PHF24: variants seen among roughly 807,000 people sequenced by gnomAD.
The protein encoded by PHF24 is PHD finger protein 24.
In PHF24, 25 loss-of-function variants were observed where a neutral mutation model predicts 42.6. The observed-to-expected ratio is 0.59, with a 90% CI of 0.43 to 0.82. The LOEUF is 0.82. PHF24 is among the 40% of genes least tolerant of loss of function. PHF24 has a pLI of 0.00. For missense variants in PHF24, 470 were observed against 538.1 expected (o/e 0.87, Z 1.25); for synonymous variants, 185 against 204.8 (o/e 0.90, Z 0.83).
chr9:34,850,113 G>A, the PHF24 span, among the ~76,000 whole-genome samples: 20 of 152,166 alleles, frequency 1.3e-4, no homozygotes, highest in South Asian at 6.2e-4. Context: ...TATCTTTATC[G>A]CGTTCTCTGT....
chr9:34,673,127 G>A, the PHF24 span, among the ~76,000 whole-genome samples: 8 of 152,308 alleles, frequency 5.3e-5, no homozygotes, highest in South Asian at 2.1e-4. Flanking sequence ...AGGCCAAGGC[G>A]GACAGATCAC....
the PHF24 span, among the ~76,000 whole-genome samples, chr9:34,682,463 A>G: frequency 1.3e-5 from 2 of 152,250 alleles, no homozygotes; most frequent in Non-Finnish European, 2.9e-5. Context: ...TTTTGGCTGT[A>G]TAAACAAAGG....
the PHF24 span, among the ~76,000 whole-genome samples, chr9:34,865,248 T>C: frequency 1.1e-4 from 17 of 151,518 alleles, no homozygotes; most frequent in African/African-American, 4.1e-4. Context: ...CTTAAAATGA[T>C]GAATTATAAG....
At chr9:34,914,994 T>C in the PHF24 span, among the ~76,000 whole-genome samples, 1 of 147,502 alleles carries the variant, frequency 6.8e-6, no homozygotes, top group African/African-American at 2.5e-5. Flanking sequence ...TCTCACCATA[T>C]TGCCCAGGTT....
At chr9:34,813,508 G>T in the PHF24 span, among the ~76,000 whole-genome samples, 1 of 152,122 alleles carries the variant, frequency 6.6e-6, no homozygotes, top group African/African-American at 2.4e-5. Context: ...TTCTCATTTG[G>T]AGGCTTGACT....
the PHF24 span, among the ~76,000 whole-genome samples, chr9:34,716,920 T>C: frequency 6.6e-6 from 1 of 152,188 alleles, no homozygotes; most frequent in Non-Finnish European, 1.5e-5. Flanking sequence ...GGTTTTAAGC[T>C]TTCAAGCTAG....
intron 6 of PHF24, 142 bp downstream of exon 6, chr9:34,977,385 C>T: frequency 4.0e-6 from 5 of 1,234,716 alleles, no homozygotes; most frequent in Non-Finnish European, 4.6e-6. Flanking sequence ...ATGGTGATGC[C>T]TACGGGCCAG....
chr9:34,914,968 T>C, the PHF24 span, among the ~76,000 whole-genome samples: 1 of 150,374 alleles, frequency 6.7e-6, no homozygotes, highest in Admixed American at 6.6e-5. Flanking sequence ...TTTTTTTTTT[T>C]TTTGGTAGAG....
At chr9:34,890,956 G>A in the PHF24 span, among the ~76,000 whole-genome samples, 648 of 152,310 alleles carry the variant, frequency 4.3e-3, 7 homozygotes, top group African/African-American at 0.015. Flanking sequence ...ACACATTGCT[G>A]TTCAGATGAG....
the PHF24 span, among the ~76,000 whole-genome samples, chr9:34,874,706 C>G: frequency 6.6e-6 from 1 of 152,160 alleles, no homozygotes; most frequent in African/African-American, 2.4e-5. Context: ...AAAGGATCAG[C>G]CTCTCACATA....
chr9:34,895,606 G>A, the PHF24 span: 2 of 399,068 alleles, frequency 5.0e-6, no homozygotes, highest in Non-Finnish European at 4.4e-6. Context: ...TAGGTACCAA[G>A]CTTAATTTTT....
the PHF24 span, among the ~76,000 whole-genome samples, chr9:34,804,147 C>T: frequency 6.6e-6 from 1 of 152,118 alleles, no homozygotes; most frequent in Non-Finnish European, 1.5e-5. Context: ...CTGGACTTCC[C>T]AACTTCCTAT....
chr9:34,897,155 C>CA, the PHF24 span, among the ~76,000 whole-genome samples: 1 of 152,108 alleles, frequency 6.6e-6, no homozygotes, highest in Non-Finnish European at 1.5e-5. Flanking sequence ...GACTCTGCCT[C>CA]AAAAACAAAC....
At chr9:34,879,883 C>T in the PHF24 span, among the ~76,000 whole-genome samples, 1 of 152,012 alleles carries the variant, frequency 6.6e-6, no homozygotes, top group African/African-American at 2.4e-5. Flanking sequence ...AGAGCAACTC[C>T]AAGACACATA....
chr9:34,780,034 G>A, the PHF24 span, among the ~76,000 whole-genome samples: 1 of 151,838 alleles, frequency 6.6e-6, no homozygotes, highest in Non-Finnish European at 1.5e-5. Flanking sequence ...CTGGTCAGTT[G>A]ATTTTTGATG....
intron 6 of PHF24, 133 bp from the exon 7 acceptor site, chr9:34,977,413 G>C: frequency 6.7e-6 from 8 of 1,196,796 alleles, no homozygotes; most frequent in Non-Finnish European, 9.6e-6. Flanking sequence ...GACAGCCTCT[G>C]CCTTCAACTC....
At chr9:34,758,148 C>T in the PHF24 span, among the ~76,000 whole-genome samples, 6 of 152,132 alleles carry the variant, frequency 3.9e-5, no homozygotes, top group Non-Finnish European at 8.8e-5. The surrounding 1 kb of genome is among the most constrained non-coding windows in gnomAD (Gnocchi z 4.4). Context: ...AGCATAGGCA[C>T]AAGGCTGCTC....
the PHF24 span, among the ~76,000 whole-genome samples, chr9:34,904,800 T>TACCAA: frequency 8.4e-5 from 10 of 119,588 alleles, 1 homozygote; most frequent in African/African-American, 9.5e-5. Context: ...AAAGGATTGC[T>TACCAA]TGTTAGTGGC....
chr9:34,980,760 A>G (rs1040484792), exon 8 of PHF24: 2 of 152,250 alleles, frequency 1.3e-5, no homozygotes, highest in Non-Finnish European at 2.9e-5. Flanking sequence ...TGGCTCTAAT[A>G]AGGGTATGAG....
Sources: allele counts gnomAD v4.1 joint callset (sites outside exome capture counted in the v4.1 genomes callset), GRCh38; gene constraint gnomAD v4.1.1; non-coding constraint Gnocchi (gnomAD v3.1); transcripts MANE v1.5; gene names NCBI Gene and HGNC (gene_info 2026-07-23, HGNC 2026-07-21).